ZFYVE1: variants seen among roughly 807,000 people sequenced by gnomAD.
ZFYVE1 encodes zinc finger FYVE domain-containing protein 1.
In ZFYVE1, 30 loss-of-function variants were observed where a neutral mutation model predicts 74.4. That is an observed-to-expected ratio of 0.40 (90% CI 0.30 to 0.55). The LOEUF (loss-of-function observed/expected upper bound fraction) is 0.55, where lower values mean the gene tolerates loss of function less well. Ranked by LOEUF, ZFYVE1 falls within the 20% of genes least tolerant of loss-of-function variation. The pLI is 0.42. For synonymous variants in ZFYVE1, 335 were observed against 385.1 expected (o/e 0.87, Z 1.52); for missense variants, 703 against 1,011.6 (o/e 0.69, Z 4.14).
intron 2 of ZFYVE1, among the ~76,000 whole-genome samples, chr14:73,004,165 G>A (rs1021175279): frequency 2.0e-5 from 3 of 152,100 alleles, no homozygotes; most frequent in African/African-American, 4.8e-5. Context: ...CTGCTAAGTC[G>A]GCCAGCAAGA....
At chr14:72,974,227 C>A (rs1362558276) in intron 10 of ZFYVE1, 34 bp from the exon 11 acceptor site, 1 of 1,594,612 alleles carries the variant, frequency 6.3e-7, no homozygotes. Context: ...GCTGTCACCT[C>A]TAAGTCCTCT....
At chr14:73,015,291 AGG>A in intron 2 of ZFYVE1, among the ~76,000 whole-genome samples, 1 of 83,080 alleles carries the variant, frequency 1.2e-5, no homozygotes, top group Non-Finnish European at 2.3e-5. Flanking sequence ...GAAGGAAGGA[AGG>A]AAAGAAGGGA....
chr14:72,983,217 T>C (rs2140352569), intron 4 of ZFYVE1, among the ~76,000 whole-genome samples: 1 of 152,116 alleles, frequency 6.6e-6, no homozygotes, highest in East Asian at 1.9e-4. Context: ...TTTAATTATA[T>C]TTTAAGTTCT....
At chr14:72,985,010 G>A (rs1451605848) in intron 4 of ZFYVE1, among the ~76,000 whole-genome samples, 8 of 152,156 alleles carry the variant, frequency 5.3e-5, no homozygotes, top group Non-Finnish European at 7.3e-5. Context: ...TCCTGGCCCT[G>A]CCCTTGCCCT....
At chr14:72,982,625 G>A (rs9671683) in intron 4 of ZFYVE1, among the ~76,000 whole-genome samples, 19,861 of 152,102 alleles carry the variant, frequency 0.13, 1,599 homozygotes, top group East Asian at 0.2. Flanking sequence ...ACAGAAAGGC[G>A]CTTTCCACAC....
chr14:73,016,504 T>C (rs1894206137), intron 2 of ZFYVE1, among the ~76,000 whole-genome samples: 1 of 142,480 alleles, frequency 7.0e-6, no homozygotes, highest in Non-Finnish European at 1.5e-5. Context: ...AGTGCAAGAT[T>C]CCGTCTCAAA....
chr14:72,981,637 A>G (rs1594835095), intron 5 of ZFYVE1, 152 bp downstream of exon 5: 2 of 694,442 alleles, frequency 2.9e-6, no homozygotes, highest in East Asian at 5.3e-5. Context: ...TTGTGGGAAC[A>G]TGGGAGTGTA....
At chr14:73,022,721 A>G (rs1423789616) in intron 2 of ZFYVE1, among the ~76,000 whole-genome samples, 1 of 152,168 alleles carries the variant, frequency 6.6e-6, no homozygotes, top group East Asian at 1.9e-4. Flanking sequence ...ACCTTCATTC[A>G]AAAGTATAAA....
At chr14:72,997,036 G>T (rs1284207985) in intron 3 of ZFYVE1, among the ~76,000 whole-genome samples, 2 of 151,908 alleles carry the variant, frequency 1.3e-5, no homozygotes, top group East Asian at 3.9e-4. Flanking sequence ...ACACACACAC[G>T]TCCCATGTCC....
intron 11 of ZFYVE1, among the ~76,000 whole-genome samples, chr14:72,973,239 A>G (rs1311763880): frequency 6.6e-6 from 1 of 151,138 alleles, no homozygotes; most frequent in Non-Finnish European, 1.5e-5. Context: ...CTGTAATCCC[A>G]GCACTTTGGG....
At chr14:72,994,179 C>T (rs771806061) in intron 3 of ZFYVE1, among the ~76,000 whole-genome samples, 5 of 150,520 alleles carry the variant, frequency 3.3e-5, no homozygotes, top group African/African-American at 1.2e-4. Flanking sequence ...AAAAATTAGT[C>T]GGGCCTAGTG....
chr14:72,987,988 T>C (rs923790834), intron 4 of ZFYVE1, among the ~76,000 whole-genome samples: 2 of 152,194 alleles, frequency 1.3e-5, no homozygotes, highest in African/African-American at 4.8e-5. Flanking sequence ...TCTGTCTCTC[T>C]CTCACACACA....
At chr14:73,026,084 A>G (rs935860503) in intron 1 of ZFYVE1, among the ~76,000 whole-genome samples, 18 of 152,162 alleles carry the variant, frequency 1.2e-4, no homozygotes, top group African/African-American at 4.1e-4. Flanking sequence ...TTCATCTTTA[A>G]AAACAATTTT....
chr14:72,975,009 T>TCTG lies in ZFYVE1; in HGVS notation c.1807-53_1807-51dup, dbSNP rs757614592. The TCTG allele has an allele frequency of 6.5e-7, 1 of 1,544,412 alleles. No individual in the cohort carries two copies. Among genetic ancestry groups the TCTG allele is most frequent in the Non-Finnish European group, 8.8e-7 (1 of 1,137,364 alleles). On this transcript the variant is annotated intron_variant, in intron 9 of 11. Coordinates refer to ENST00000556143, the MANE Select transcript of ZFYVE1 (RefSeq NM_021260.4). This position sits in a 1 kb window ranked among gnomAD's most constrained non-coding sequence, Gnocchi z 4.1. ...GAGAGGCAGGTAGGTATGGTACATGTCTGCTCAGCTGAGAAAGTCAACAAG... is the reference window on the plus strand; with the variant it reads ...GAGAGGCAGGTAGGTATGGTACATGTCTGCTGCTCAGCTGAGAAAGTCAACAAG...
chr14:72,990,036 G>C (rs117669360), intron 4 of ZFYVE1, among the ~76,000 whole-genome samples: 1,891 of 152,260 alleles, frequency 0.012, 18 homozygotes, highest in Non-Finnish European at 0.019. Flanking sequence ...GAAAACTTTA[G>C]TTAGAGTCTA....
chr14:72,991,502 C>CTTA (rs1893612914), intron 4 of ZFYVE1, among the ~76,000 whole-genome samples: 1 of 152,166 alleles, frequency 6.6e-6, no homozygotes, highest in South Asian at 2.1e-4. Context: ...GATGGTCTTA[C>CTTA]TTAAACATTA....
rs543801013 is a variant in ZFYVE1, at chr14:72,971,388, G to T, written c.2102-274C>A. On this transcript the variant is annotated intron_variant, in intron 11 of 11. Coordinates refer to ENST00000556143, the MANE Select transcript of ZFYVE1 (RefSeq NM_021260.4). ...GTCTCATTCTGTCGCCCAGGTTGGA[G>T]TGCAGTATCACGATTTCGGCTCACC... is the stretch of plus-strand genomic sequence containing the variant. 2.6e-5 allele frequency among the ~76,000 whole-genome samples: 4 copies of T among 152,244 alleles called. No individual in the cohort carries two copies. In the South Asian group the frequency reaches 8.3e-4, roughly 32 times the overall value.
Position 72,978,878 on chromosome 14 carries a change from G to A in ZFYVE1, c.1402C>T (p.Arg468Ter), listed in dbSNP as rs1203286377. Residue 468 changes from arginine to a stop codon, truncating the protein, a stop_gained, in exon 6 of 12, where the codon CGA becomes TGA. Coordinates refer to ENST00000556143, the MANE Select transcript of ZFYVE1 (RefSeq NM_021260.4). LOFTEE classifies it high-confidence loss of function. ...RCRYSHQYDN[R>*]VYTCKACYER... ...GGACTCACCTTGCAGGTATACACTC[G>A]GTTGTCATACTGGTGGGAGTATCTG... 1 of 1,614,072 alleles carries A rather than the reference G, an allele frequency of 6.2e-7. No homozygotes were observed. Among genetic ancestry groups the A allele is most frequent in the Non-Finnish European group, 8.5e-7 (1 of 1,179,934 alleles).
chr14:72,982,647 C>T (rs562806659), intron 4 of ZFYVE1, among the ~76,000 whole-genome samples: 2 of 152,326 alleles, frequency 1.3e-5, no homozygotes, highest in East Asian at 3.9e-4. Flanking sequence ...TTAGAAATCA[C>T]TAAGCACATG....
Sources: gnomAD v4.1 joint callset for allele counts (sites outside exome capture counted in the v4.1 genomes callset) on GRCh38, gnomAD v4.1.1 for gene constraint, Gnocchi (gnomAD v3.1) non-coding constraint, MANE v1.5 for transcripts, NCBI Gene and HGNC (gene_info 2026-07-23, HGNC 2026-07-21) for gene names.